Variants in XCL1 observed in about 807,000 individuals in gnomAD.
The protein encoded by XCL1 is X-C motif chemokine ligand 1, also known as lymphotactin.
A neutral mutation model predicts 7.4 loss-of-function variants in XCL1; 6 were observed. The observed-to-expected ratio is 0.82, with a 90% CI of 0.45 to 1.61. The LOEUF (loss-of-function observed/expected upper bound fraction) is 1.61, where lower values mean the gene tolerates loss of function less well. Among genes scored for constraint, XCL1 ranks in the 40% most tolerant of loss-of-function variants. XCL1 has a pLI of 0.01. For synonymous variants in XCL1, 48 were observed against 52.4 expected, an observed-to-expected ratio of 0.92 and a Z score of 0.36; for missense variants, 122 against 138.2, an observed-to-expected ratio of 0.88 and a Z score of 0.59.
chr1:168,576,700 T>C lies in XCL1; in HGVS notation c.61+2T>C, dbSNP rs1367407711. ...CTCTCACTGCATACATTGTGGAAGGTAAGTGGAGAAGCTGTCTGTGAGATA... is the reference window on the plus strand; with the variant it reads ...CTCTCACTGCATACATTGTGGAAGGCAAGTGGAGAAGCTGTCTGTGAGATA... On this transcript the variant is annotated splice_donor_variant, in intron 1 of 2. Transcript: ENST00000367818. LOFTEE classifies it high-confidence loss of function. 1.9e-6 allele frequency: 3 copies of C among 1,613,530 alleles called. No individual in the cohort carries two copies. The highest frequency in any genetic ancestry group is 1.7e-5 in the Admixed American group (1 of 59,972).
intron 1 of XCL1, chr1:168,578,592 T>C (rs1005427302): frequency 5.0e-6 from 1 of 201,446 alleles, no homozygotes; most frequent in African/African-American, 2.4e-5. Context: ...TTTTACCATT[T>C]ATTAATTTTT....
chr1:168,580,977 T>A, intron 2 of XCL1, 75 bp from the exon 3 acceptor site: 1 of 1,561,310 alleles, frequency 6.4e-7, no homozygotes. Flanking sequence ...TCTTCATGTC[T>A]GCCCTGATCT....
intron 1 of XCL1, chr1:168,578,638 C>A: frequency 4.5e-6 from 1 of 223,066 alleles, no homozygotes; most frequent in East Asian, 1.6e-4. Flanking sequence ...ACAGAAAACT[C>A]AACAGTGTAC....
rs1431292915 is a variant in XCL1, at chr1:168,579,997, G to A, written c.62-66G>A. 1.1e-5 allele frequency: 16 copies of A among 1,486,052 alleles called. No individual in the cohort carries two copies. The East Asian group carries it at 3.5e-4, about 32-fold the overall frequency. 92.1% of individuals were successfully genotyped at this position (1,486,052 alleles called of 1,614,324 possible). A position where few individuals can be genotyped will look rare whatever the true frequency, so the allele number is the denominator to read the frequency against. ...ACATTCTCAGAGTAATTTAACAGAT[G>A]ATTGTTCCTGTGATCTGGATAATTG... On this transcript the variant is annotated intron_variant, in intron 1 of 2. Coordinates refer to ENST00000367818, the MANE Select transcript of XCL1 (RefSeq NM_002995.3).
chr1:168,580,531 T>C (rs1655137409), intron 2 of XCL1, among the ~76,000 whole-genome samples: 2 of 152,024 alleles, frequency 1.3e-5, no homozygotes, highest in South Asian at 2.1e-4. Flanking sequence ...TAGGGTTGAG[T>C]CAGGCAGAGT....
At chr1:168,580,960 C>T in intron 2 of XCL1, 92 bp from the exon 3 acceptor site, 1 of 1,493,510 alleles carries the variant, frequency 6.7e-7, no homozygotes. Flanking sequence ...AATTTCTGCA[C>T]AAGATCTCTT....
In XCL1 at chr1:168,581,679, A is replaced by G. The variant is rs1042150276; in HGVS notation, c.*459A>G. On this transcript the variant is annotated 3_prime_UTR_variant, in exon 3 of 3. Transcript: ENST00000367818. The stretch of plus-strand genomic sequence containing the variant: ...GAATTCTGTTTATAGAATAAGGGAG[A>G]AAATAATCCAGTCTTCACTGGGTTC... 1 of 152,350 alleles carries G rather than the reference A, an allele frequency of 6.6e-6. No individual in the cohort carries two copies. The highest frequency in any genetic ancestry group is 2.4e-5 in the African/African-American group (1 of 41,468). The allele number at this position is 152,350 out of a possible 1,614,324, so 9.4% of individuals were successfully genotyped here.
Position 168,581,876 on chromosome 1 carries a change from A to G in XCL1, c.*656A>G, listed in dbSNP as rs1655180515. The G allele has an allele frequency of 6.6e-6, 1 of 152,228 alleles. No individual in the cohort carries two copies. Among genetic ancestry groups the G allele is most frequent in the Non-Finnish European group, 1.5e-5 (1 of 68,046 alleles). 9.4% of individuals were successfully genotyped at this position (152,228 alleles called of 1,614,324 possible). A position where few individuals can be genotyped will look rare whatever the true frequency, so the allele number is the denominator to read the frequency against. On this transcript the variant is annotated 3_prime_UTR_variant, in exon 3 of 3. Coordinates refer to ENST00000367818, the MANE Select transcript of XCL1 (RefSeq NM_002995.3). ...AAGAAACTTTATTCAAGTAAAAATC[A>G]ATACCCTTTGAATTGGACAATAATC... is the stretch of plus-strand genomic sequence containing the variant.
chr1:168,580,234 A>G, intron 2 of XCL1, 57 bp downstream of exon 2: 3 of 1,576,906 alleles, frequency 1.9e-6, no homozygotes, highest in Non-Finnish European at 2.6e-6. Context: ...ATAGAAATAC[A>G]CTCTGTAGAA....
chr1:168,576,605 A>C lies in XCL1; in HGVS notation c.-33A>C. 6.2e-7 allele frequency: 1 copy of C among 1,612,532 alleles called. No individual in the cohort carries two copies. The highest frequency in any genetic ancestry group is 1.1e-5 in the South Asian group (1 of 91,060). ...GAGGTCCTCAAAGAGCCCGATCCTC[A>C]CTCTCCTTGCACAGCTCAGCAGGAC... On this transcript the variant is annotated 5_prime_UTR_variant, in exon 1 of 3. Coordinates refer to ENST00000367818, the MANE Select transcript of XCL1 (RefSeq NM_002995.3).
chr1:168,578,033 A>G (rs1018157920), intron 1 of XCL1, among the ~76,000 whole-genome samples: 3 of 152,220 alleles, frequency 2.0e-5, no homozygotes, highest in African/African-American at 7.2e-5. Context: ...TTCAAGCATA[A>G]CAGGATTCCC....
intron 1 of XCL1, among the ~76,000 whole-genome samples, chr1:168,577,645 G>T (rs2101835121): frequency 6.6e-6 from 1 of 152,214 alleles, no homozygotes; most frequent in East Asian, 1.9e-4. Context: ...GCTAAGTCTG[G>T]AAGTCCTTGA....
intron 1 of XCL1, chr1:168,578,665 T>C: frequency 3.6e-6 from 1 of 277,194 alleles, no homozygotes; most frequent in South Asian, 4.2e-5. Flanking sequence ...CCCAGTTTAG[T>C]GGCAAGTTCC....
intron 1 of XCL1, among the ~76,000 whole-genome samples, 198 bp downstream of exon 1, chr1:168,576,896 GTATCTGGGCTCC>G (rs1374142356): frequency 4.6e-5 from 7 of 152,166 alleles, no homozygotes; most frequent in African/African-American, 1.7e-4. Flanking sequence ...AATTTGATTA[GTATCTGGGCTCC>G]TACTTTTCCT....
At chr1:168,579,293 G>A (rs1366142948) in intron 1 of XCL1, 4 of 274,934 alleles carry the variant, frequency 1.5e-5, no homozygotes. Flanking sequence ...GTCCCTTTTG[G>A]GCTGGATGTC....
rs369747339 is a variant in XCL1, at chr1:168,581,226, T to G, written c.*6T>G. 7.4e-6 allele frequency: 12 copies of G among 1,612,328 alleles called. No homozygotes were observed. Among genetic ancestry groups the G allele is most frequent in the African/African-American group, 1.3e-5 (1 of 74,810 alleles). On this transcript the variant is annotated 3_prime_UTR_variant, in exon 3 of 3. Transcript: ENST00000367818. ...CTGTGACTCTGACTGGCTAGTAGTC[T>G]CTGGCACCCTGTCCGTCTCCAGCCA...
At position 168,576,610 on chromosome 1, in the gene XCL1, C is replaced by G. The variant is rs757665528; in HGVS notation, c.-28C>G. The G allele has an allele frequency of 1.3e-5, 21 of 1,612,898 alleles. 1 individual carries two copies. In the South Asian group the frequency reaches 2.1e-4, roughly 16 times the overall value. The stretch of plus-strand genomic sequence containing the variant: ...CCTCAAAGAGCCCGATCCTCACTCT[C>G]CTTGCACAGCTCAGCAGGACCTCAG... On this transcript the variant is annotated 5_prime_UTR_variant, in exon 1 of 3. Coordinates refer to ENST00000367818, the MANE Select transcript of XCL1 (RefSeq NM_002995.3).
At chr1:168,580,640 A>T (rs980330602) in intron 2 of XCL1, among the ~76,000 whole-genome samples, 1 of 152,166 alleles carries the variant, frequency 6.6e-6, no homozygotes, top group Non-Finnish European at 1.5e-5. Context: ...AGAAGTAATA[A>T]CTCTTCTCAA....
intron 1 of XCL1, among the ~76,000 whole-genome samples, chr1:168,577,460 T>C (rs1368617738): frequency 6.6e-6 from 1 of 152,186 alleles, no homozygotes; most frequent in Non-Finnish European, 1.5e-5. Context: ...CAGGTAAGAT[T>C]CAGATATACC....
Sources: allele counts gnomAD v4.1 joint callset (sites outside exome capture counted in the v4.1 genomes callset), GRCh38; gene constraint gnomAD v4.1.1; transcripts MANE v1.5; gene names NCBI Gene and HGNC (gene_info 2026-07-23, HGNC 2026-07-21).